Variants in DIP2C observed in about 807,000 individuals in gnomAD.
DIP2C encodes the protein DIP2 acetate--CoA ligase C (putative), also known as disco-interacting protein 2 homolog C.
A neutral mutation model predicts 192.4 loss-of-function variants in DIP2C; 33 were observed. That is an observed-to-expected ratio of 0.17 (90% CI 0.13 to 0.23). DIP2C has a LOEUF of 0.23. Among genes scored for constraint, DIP2C ranks in the 10% least tolerant of loss-of-function variants. DIP2C has a pLI of 1.00. For missense variants in DIP2C, 1,537 were observed against 2,110.1 expected, an observed-to-expected ratio of 0.73 and a Z score of 5.32; for synonymous variants, 979 against 864.1, an observed-to-expected ratio of 1.13 and a Z score of -2.33.
Position 428,912 on chromosome 10 carries a change from C to CTCAG in DIP2C, c.395-5880_395-5879insCTGA, listed in dbSNP as rs145544237. Among the ~76,000 whole-genome samples the CTCAG allele has an allele frequency of 5.9e-3, 893 of 152,182 alleles. 3 individuals carry two copies. Among genetic ancestry groups the CTCAG allele is most frequent in the East Asian group, 0.014 (70 of 5,176 alleles). The stretch of plus-strand genomic sequence containing the variant: ...GTTAAACCCACCAGCAAAATTTCTT[C>CTCAG]TATCATATTTTCCAGCTTTATAGTG... On this transcript the variant is annotated intron_variant, in intron 4 of 36. Transcript: ENST00000280886.
chr10:684,416 C>T (rs185164974), intron 1 of DIP2C, among the ~76,000 whole-genome samples: 28 of 152,322 alleles, frequency 1.8e-4, no homozygotes, highest in Admixed American at 1.6e-3. Flanking sequence ...ACTGACCCTC[C>T]TACCCTCCTC....
chr10:508,574 G>A (rs4881371), intron 1 of DIP2C, among the ~76,000 whole-genome samples: 60,629 of 152,102 alleles, frequency 0.4, 13,863 homozygotes, highest in East Asian at 0.66. Context: ...TCGCAGCAAA[G>A]ACCACTCAAT....
intron 1 of DIP2C, among the ~76,000 whole-genome samples, chr10:527,793 G>C (rs1369461925): frequency 6.6e-6 from 1 of 152,202 alleles, no homozygotes; most frequent in East Asian, 1.9e-4. Context: ...CCATAAGAAA[G>C]TCAAATGTGA....
chr10:304,645 A>T (rs1029867690), intron 32 of DIP2C, among the ~76,000 whole-genome samples: 3 of 152,166 alleles, frequency 2.0e-5, no homozygotes, highest in Admixed American at 6.5e-5. Flanking sequence ...ACTAAGACTC[A>T]GTGTGCATGT....
chr10:314,714 G>A (rs1450445429), intron 31 of DIP2C, among the ~76,000 whole-genome samples: 1 of 152,220 alleles, frequency 6.6e-6, no homozygotes, highest in East Asian at 1.9e-4. Flanking sequence ...CACAGCTCTG[G>A]AGTCTAGCAA....
intron 31 of DIP2C, among the ~76,000 whole-genome samples, chr10:315,220 T>A (rs530508649): frequency 5.3e-4 from 81 of 152,384 alleles, no homozygotes; most frequent in Non-Finnish European, 1.0e-3. Context: ...CAGCTGTTCA[T>A]ATTTTTAAAC....
intron 19 of DIP2C, among the ~76,000 whole-genome samples, chr10:365,297 C>T (rs1960054496): frequency 6.6e-6 from 1 of 152,204 alleles, no homozygotes; most frequent in African/African-American, 2.4e-5. Flanking sequence ...CTTTAGGAGG[C>T]TAAGATGGGA....
At chr10:665,546 G>T (rs775571188) in intron 1 of DIP2C, 1 of 152,082 alleles carries the variant, frequency 6.6e-6, no homozygotes, top group African/African-American at 2.4e-5. Context: ...ATTTCCAAAA[G>T]GAAAGCACAC....
At chr10:673,845 G>A (rs1045705903) in intron 1 of DIP2C, among the ~76,000 whole-genome samples, 1 of 152,186 alleles carries the variant, frequency 6.6e-6, no homozygotes, top group Non-Finnish European at 1.5e-5. Flanking sequence ...TACTAGGGGC[G>A]AAACAGAAAA....
rs771907446 is a variant in DIP2C, at chr10:344,802, C to A, written c.3453+7G>T. On this transcript the variant is annotated splice_region_variant and intron_variant, in intron 28 of 36. Coordinates refer to ENST00000280886, the MANE Select transcript of DIP2C (RefSeq NM_014974.3). ...CCATGGCCACCGCCCGCAGCCACCC[C>A]CCTCACCTTTACGCCAGCTAGCATC... The A allele has an allele frequency of 3.0e-5, 47 of 1,577,380 alleles. No homozygotes were observed. The highest frequency in any genetic ancestry group is 3.6e-5 in the Non-Finnish European group (42 of 1,162,144).
At position 488,562 on chromosome 10, in the gene DIP2C, G is replaced by A. The variant is rs550746416; in HGVS notation, c.86-2032C>T. ...AAAGCTGGTGTGGTGCCCAGAGGCC[G>A]CAGCCCTGGCTTCCTGGGCTTTCCT... On this transcript the variant is annotated intron_variant, in intron 1 of 36. Transcript: ENST00000280886. Among the ~76,000 whole-genome samples, 8 of 152,250 alleles carry A rather than the reference G, an allele frequency of 5.3e-5. 1 individual carries two copies. The South Asian group carries it at 1.0e-3, about 20-fold the overall frequency.
intron 29 of DIP2C, among the ~76,000 whole-genome samples, chr10:337,052 G>GTGTA (rs1322229678): frequency 5.6e-5 from 7 of 123,896 alleles, no homozygotes; most frequent in Admixed American, 5.4e-4. Context: ...CTAGACTGGT[G>GTGTA]TGTGTGTGTG....
chr10:689,169 G>T lies in DIP2C; in HGVS notation c.85+325C>A, dbSNP rs367592006. Among the ~76,000 whole-genome samples, 5 of 151,066 alleles carry T rather than the reference G, an allele frequency of 3.3e-5. No homozygotes were observed. In the East Asian group the frequency reaches 7.9e-4, roughly 24 times the overall value. On this transcript the variant is annotated intron_variant, in intron 1 of 36. Transcript: ENST00000280886. This position sits in a 1 kb window ranked among gnomAD's most constrained non-coding sequence, Gnocchi z 6.1. ...ACCCCCAGGGCGCGGGGGGATCGCG[G>T]CCCCACAAACATCCCAGGGCGCGGG...
rs113088842 is a variant in DIP2C, at chr10:471,011, C to T, written c.268+1428G>A. 7.9e-3 allele frequency among the ~76,000 whole-genome samples: 1,210 copies of T among 152,258 alleles called. 14 individuals are homozygous for T. The highest frequency in any genetic ancestry group is 0.028 in the African/African-American group (1,151 of 41,548). On this transcript the variant is annotated intron_variant, in intron 3 of 36. Coordinates refer to ENST00000280886, the MANE Select transcript of DIP2C (RefSeq NM_014974.3). Reference sequence around the variant, plus strand: ...CTGACAGTACGCAGGTGCCTCCACACTCCTGAACTCGACAGGGGCCTCCGA... The same window carrying T: ...CTGACAGTACGCAGGTGCCTCCACATTCCTGAACTCGACAGGGGCCTCCGA...
intron 1 of DIP2C, among the ~76,000 whole-genome samples, chr10:586,335 T>C (rs926731188): frequency 9.9e-5 from 15 of 152,136 alleles, no homozygotes; most frequent in Non-Finnish European, 1.9e-4. Context: ...ATCGGACACA[T>C]GAAACCAGGA....
intron 1 of DIP2C, among the ~76,000 whole-genome samples, chr10:618,072 A>C (rs1480075522): frequency 6.6e-6 from 1 of 152,208 alleles, no homozygotes; most frequent in African/African-American, 2.4e-5. Flanking sequence ...ATACTCTTTC[A>C]GAATGCTATT....
At chr10:367,289 C>A (rs1328032864) in intron 18 of DIP2C, among the ~76,000 whole-genome samples, 5 of 151,850 alleles carry the variant, frequency 3.3e-5, no homozygotes, top group Non-Finnish European at 7.4e-5. Context: ...CAGTGGCGGG[C>A]GCCTGTAGTC....
rs557247917 is a variant in DIP2C, at chr10:477,685, G to C, written c.158-5136C>G. Among the ~76,000 whole-genome samples the C allele has an allele frequency of 5.6e-5, 8 of 143,144 alleles. No homozygotes were observed. In the East Asian group the frequency reaches 1.6e-3, roughly 28 times the overall value. The allele number at this position is 143,144 out of a possible 152,430, so 93.9% of individuals were successfully genotyped here. On this transcript the variant is annotated intron_variant, in intron 2 of 36. Coordinates refer to ENST00000280886, the MANE Select transcript of DIP2C (RefSeq NM_014974.3). ...ACAGGAAGTGGTGAATAGATAGGAG[G>C]AAAGCGGAGAAAAGGAAAGAATAAA...
intron 32 of DIP2C, among the ~76,000 whole-genome samples, chr10:307,250 G>A (rs927779378): frequency 6.6e-6 from 1 of 152,170 alleles, no homozygotes; most frequent in African/African-American, 2.4e-5. Context: ...ACAGACTAAG[G>A]CAAGAGGGAA....
Sources: gnomAD v4.1 joint callset for allele counts (sites outside exome capture counted in the v4.1 genomes callset) on GRCh38, gnomAD v4.1.1 for gene constraint, Gnocchi (gnomAD v3.1) non-coding constraint, MANE v1.5 for transcripts, NCBI Gene and HGNC (gene_info 2026-07-23, HGNC 2026-07-21) for gene names.